The following GOSR2 variants were observed in gnomAD, a reference collection of about 807,000 sequenced individuals.
GOSR2 encodes 27 kDa Golgi SNARE protein.
Under a neutral mutation model 27.9 loss-of-function variants are expected in GOSR2, and 20 were observed. The ratio of observed to expected loss-of-function variants is 0.72; its 90% CI spans 0.50 to 1.04. The LOEUF is 1.04. GOSR2 is among the 50% of genes least tolerant of loss of function. The pLI, the probability that GOSR2 is intolerant of heterozygous loss-of-function variation, is 0.00. For missense variants in GOSR2, 261 were observed against 270.5 expected (o/e 0.97, Z 0.25); for synonymous variants, 91 against 98.8 (o/e 0.92, Z 0.47).
intron 6 of GOSR2, among the ~76,000 whole-genome samples, chr17:46,951,366 A>G (rs1354933120): frequency 5.9e-5 from 9 of 152,010 alleles, no homozygotes; most frequent in Admixed American, 2.0e-4. Context: ...CAAGCTCCTT[A>G]CCCATCAATT....
chr17:46,931,234 T>A (rs762955002), intron 3 of GOSR2, 27 bp downstream of exon 3: 4 of 1,044,912 alleles, frequency 3.8e-6, no homozygotes, highest in Non-Finnish European at 6.1e-6. Context: ...GACATGGCTC[T>A]GATACTCCAG....
chr17:46,971,109 C>T (rs983545688), downstream of GOSR2, among the ~76,000 whole-genome samples: 2 of 152,030 alleles, frequency 1.3e-5, no homozygotes, highest in Non-Finnish European at 2.9e-5. Context: ...CCAGCACTTA[C>T]AGTGGATCAT....
intron 4 of GOSR2, 49 bp downstream of exon 4, chr17:46,932,248 G>A (rs1395519566): frequency 2.7e-5 from 43 of 1,609,588 alleles, no homozygotes; most frequent in Non-Finnish European, 3.7e-5. Context: ...CAGATCGTGG[G>A]GGCTGGAGTT....
intron 6 of GOSR2, among the ~76,000 whole-genome samples, chr17:46,953,475 C>T (rs1171605276): frequency 6.6e-6 from 1 of 152,244 alleles, no homozygotes; most frequent in Admixed American, 6.5e-5. Flanking sequence ...GGTTCCAGGT[C>T]TTTGCTATTG....
chr17:46,924,767 TGTGA>T (rs1277587907), intron 1 of GOSR2, among the ~76,000 whole-genome samples: 3 of 152,240 alleles, frequency 2.0e-5, no homozygotes, highest in African/African-American at 7.2e-5. Context: ...AAAACTAGTC[TGTGA>T]GTAATTTAGA....
At chr17:46,974,987 C>CTTTTTTTTTTTTTTTTTTTTTTTTTTT (rs58438726) in intron 6 of GOSR2, among the ~76,000 whole-genome samples, 1 of 119,062 alleles carries the variant, frequency 8.4e-6, no homozygotes, top group Admixed American at 8.9e-5. Flanking sequence ...TTACTATTTT[C>CTTTTTTTTTTTTTTTTTTTTTTTTTTT]TTTTTTTTTT....
chr17:46,935,959 C>T lies in GOSR2; in HGVS notation c.477+790C>T, dbSNP rs752382619. ...CACTGAGCTGTGAGAAACAGTCACT[C>T]GGAAGTGTGAGCTTTATCTTAGTTT... On this transcript the variant is annotated intron_variant, in intron 5 of 5. Coordinates refer to ENST00000640051, the MANE Select transcript of GOSR2 (RefSeq NM_004287.5). 8.1e-6 allele frequency: 8 copies of T among 985,708 alleles called. No individual in the cohort carries two copies. In the Admixed American group the frequency reaches 2.5e-4, roughly 30 times the overall value. 61.1% of individuals were successfully genotyped at this position (985,708 alleles called of 1,614,324 possible).
rs926642278 is a variant in GOSR2 at position 46,941,257 on chromosome 17, C to T, written c.*2497C>T. ...ACTTCACTGCGGAGTTCTGTACACC[C>T]TTTGCCCTGATGAATTTGAATGGGT... is the stretch of plus-strand genomic sequence containing the variant. On this transcript the variant is annotated 3_prime_UTR_variant, in exon 6 of 6. Coordinates refer to ENST00000640051, the MANE Select transcript of GOSR2 (RefSeq NM_004287.5). 4.1e-6 allele frequency: 4 copies of T among 987,650 alleles called. No individual in the cohort carries two copies. The African/African-American group carries it at 5.2e-5, about 13-fold the overall frequency. The allele number at this position is 987,650 out of a possible 1,614,324, so 61.2% of individuals were successfully genotyped here. A position where few individuals can be genotyped will look rare whatever the true frequency, so the allele number is the denominator to read the frequency against.
chr17:46,948,070 CT>C lies in GOSR2; in HGVS notation c.583+9367del, dbSNP rs36053272. Among the ~76,000 whole-genome samples the C allele has an allele frequency of 0.026, 3,932 of 152,298 alleles. 409 individuals are homozygous for C. The East Asian group carries it at 0.35, about 14-fold the overall frequency. On this transcript the variant is annotated intron_variant, in intron 6 of 6. Transcript: ENST00000573224. ...ACAGACGTGAGCCACCGCGCCCAGC[CT>C]AGAAGTGATTTTTGTCAGGAGACAG...
intron 6 of GOSR2, among the ~76,000 whole-genome samples, chr17:46,965,527 C>T (rs1253790937): frequency 3.3e-5 from 5 of 152,222 alleles, no homozygotes; most frequent in African/African-American, 4.8e-5. Flanking sequence ...GGGCTTCCCC[C>T]TCAACGTGAC....
chr17:46,936,691 C>G, intron 5 of GOSR2: 6 of 984,852 alleles, frequency 6.1e-6, no homozygotes, highest in Non-Finnish European at 7.2e-6. Context: ...GAAGGTTGAT[C>G]CTTAGCCTCA....
downstream of GOSR2, among the ~76,000 whole-genome samples, chr17:46,944,191 G>T (rs935224206): frequency 6.6e-6 from 1 of 152,224 alleles, no homozygotes; most frequent in African/African-American, 2.4e-5. Context: ...CCTGGCATGT[G>T]TCCAGTGCCA....
rs371193844 is a variant in GOSR2 at position 46,936,115 on chromosome 17, G to A, written c.477+946G>A. 2.9e-5 allele frequency: 29 copies of A among 985,928 alleles called. No homozygotes were observed. In the African/African-American group the frequency reaches 4.9e-4, roughly 17 times the overall value. The allele number at this position is 985,928 out of a possible 1,614,324, so 61.1% of individuals were successfully genotyped here. On this transcript the variant is annotated intron_variant, in intron 5 of 5. Coordinates refer to ENST00000640051, the MANE Select transcript of GOSR2 (RefSeq NM_004287.5). ...CTCACCTCCTGCTGACAGTTGCAGT[G>A]TCTCAGATGGCCTGGAAGGGTGGTC...
At chr17:46,944,808 C>G (rs1013048174), downstream of GOSR2, among the ~76,000 whole-genome samples, 1 of 152,108 alleles carries the variant, frequency 6.6e-6, no homozygotes, top group Non-Finnish European at 1.5e-5. Flanking sequence ...CCATGTTGGG[C>G]AGGCTGGTCT....
chr17:46,932,800 A>G (rs1160881640), intron 4 of GOSR2: 1 of 163,240 alleles, frequency 6.1e-6, no homozygotes, highest in African/African-American at 2.4e-5. Flanking sequence ...TTTCCTGCAC[A>G]TGGCTGTAGA....
chr17:46,955,920 A>G (rs918294193), intron 6 of GOSR2, among the ~76,000 whole-genome samples: 2 of 152,178 alleles, frequency 1.3e-5, no homozygotes, highest in Admixed American at 6.5e-5. Context: ...CAGACTAGCA[A>G]CTTCCTGAGG....
At chr17:46,948,856 G>A (rs2090120531) in intron 6 of GOSR2, 1 of 152,256 alleles carries the variant, frequency 6.6e-6, no homozygotes, top group Non-Finnish European at 1.5e-5. Flanking sequence ...ACCATGGTGG[G>A]AAGATGTAGG....
chr17:46,941,033 G>A lies in GOSR2; in HGVS notation c.*2273G>A, dbSNP rs778733242. 3.2e-5 allele frequency: 35 copies of A among 1,093,106 alleles called. No individual in the cohort carries two copies. The African/African-American group carries it at 3.7e-4, about 12-fold the overall frequency. The allele number at this position is 1,093,106 out of a possible 1,614,324, so 67.7% of individuals were successfully genotyped here. A position where few individuals can be genotyped will look rare whatever the true frequency, so the allele number is the denominator to read the frequency against. ...GGAGGCGGGGGTGAATTCTTAGGTC[G>A]AGCTGATGCAAGAAACTCCGGTAGC... On this transcript the variant is annotated 3_prime_UTR_variant, in exon 6 of 6. Coordinates refer to ENST00000640051, the MANE Select transcript of GOSR2 (RefSeq NM_004287.5).
downstream of GOSR2, chr17:46,975,640 G>C (rs2091440264): frequency 6.6e-6 from 1 of 152,346 alleles, no homozygotes; most frequent in African/African-American, 2.4e-5. Flanking sequence ...TCTTCCTCCT[G>C]AGGCACAAGG....
Sources: gnomAD v4.1 joint callset for allele counts (sites outside exome capture counted in the v4.1 genomes callset) on GRCh38, gnomAD v4.1.1 for gene constraint, MANE v1.5 for transcripts, NCBI Gene and HGNC (gene_info 2026-07-23, HGNC 2026-07-21) for gene names.